The following PRH1 variants were observed in gnomAD, a reference collection of about 807,000 sequenced individuals.
PRH1 encodes proline rich protein HaeIII subfamily 1.
A neutral mutation model predicts 7.9 loss-of-function variants in PRH1; 7 were observed. The observed-to-expected ratio is 0.89, with a 90% CI of 0.50 to 1.67. The LOEUF is 1.67. Ranked by LOEUF, PRH1 falls within the 40% of genes most tolerant of loss-of-function variation. PRH1 has a pLI of 0.00. For synonymous variants in PRH1, 45 were observed against 80.8 expected (o/e 0.56, Z 2.38); for missense variants, 109 against 223.6 (o/e 0.49, Z 3.27).
chr12:10,905,091 A>C (rs2135816838), intron 2 of PRH1, among the ~76,000 whole-genome samples: 1 of 152,122 alleles, frequency 6.6e-6, no homozygotes, highest in Middle Eastern at 3.4e-3. Context: ...CATGCAAATT[A>C]CGTCAGCCAC....
At chr12:10,913,182 T>G (rs1389238365) in intron 2 of PRH1, among the ~76,000 whole-genome samples, 4 of 152,150 alleles carry the variant, frequency 2.6e-5, no homozygotes, top group African/African-American at 7.2e-5. Context: ...TAAAATCTAT[T>G]TAGCCTCACG....
rs1565726638 is a variant in PRH1, at chr12:11,168,394, A to AAGAAAGAAAGAAAG, written n.39+3014_39+3027dup. On this transcript the variant is annotated intron_variant and non_coding_transcript_variant, in intron 1 of 1. Coordinates refer to the PRH1 transcript ENST00000541175. ...AAAGAAAGAAAGAAAGAAAGAAAGA[A>AAGAAAGAAAGAAAG]AGAAAGAAAGAAAGAAAGAAAGAAA... 1.7e-4 allele frequency among the ~76,000 whole-genome samples: 17 copies of AAGAAAGAAAGAAAG among 99,106 alleles called. 3 individuals are homozygous for AAGAAAGAAAGAAAG. The highest frequency in any genetic ancestry group is 5.6e-4 in the African/African-American group (17 of 30,224). 65.0% of individuals were successfully genotyped at this position (99,106 alleles called of 152,430 possible).
At chr12:10,930,331 C>A (rs753586117) in intron 2 of PRH1, 1 of 1,603,568 alleles carries the variant, frequency 6.2e-7, no homozygotes, top group South Asian at 1.1e-5. Context: ...TCTCAGTAAA[C>A]TCTGTCTCCA....
intron 1 of PRH1, among the ~76,000 whole-genome samples, chr12:11,068,376 TGTGA>T (rs1200920294): frequency 6.6e-6 from 1 of 152,210 alleles, no homozygotes; most frequent in Non-Finnish European, 1.5e-5. Flanking sequence ...CTCTCACATT[TGTGA>T]GTATTATTAT....
chr12:11,027,619 C>A (rs1256790271), intron 1 of PRH1, among the ~76,000 whole-genome samples: 1 of 149,274 alleles, frequency 6.7e-6, no homozygotes, highest in African/African-American at 2.4e-5. Flanking sequence ...GTTTCCCAGG[C>A]TGCTGGTCTC....
chr12:11,096,855 C>T (rs1266152042), intron 1 of PRH1, among the ~76,000 whole-genome samples: 2 of 114,636 alleles, frequency 1.7e-5, no homozygotes, highest in Admixed American at 8.7e-5. Flanking sequence ...TGGAGTGCAG[C>T]GGCGCGATCT....
chr12:11,122,183 G>C (rs1945930816), intron 1 of PRH1, among the ~76,000 whole-genome samples: 1 of 152,212 alleles, frequency 6.6e-6, no homozygotes, highest in Non-Finnish European at 1.5e-5. Context: ...TTCCACATTG[G>C]AGTTTCTTGC....
chr12:11,030,933 C>T (rs747955989), intron 1 of PRH1: 1 of 1,614,248 alleles, frequency 6.2e-7, no homozygotes, highest in Non-Finnish European at 8.5e-7. Context: ...AGTAAAGGCC[C>T]CAACAGCATC....
At chr12:10,950,830 CA>C (rs202134446) in intron 2 of PRH1, among the ~76,000 whole-genome samples, 1 of 151,670 alleles carries the variant, frequency 6.6e-6, no homozygotes, top group Non-Finnish European at 1.5e-5. Context: ...TAGGAAAATA[CA>C]AATTCTATCA....
chr12:11,107,770 G>C (rs1945466010), intron 1 of PRH1, among the ~76,000 whole-genome samples: 1 of 152,136 alleles, frequency 6.6e-6, no homozygotes. Context: ...TTTCAAAAAA[G>C]GGACTACTGC....
intron 1 of PRH1, among the ~76,000 whole-genome samples, chr12:11,018,666 C>T (rs1484985956): frequency 6.6e-6 from 1 of 151,898 alleles, no homozygotes; most frequent in African/African-American, 2.4e-5. Flanking sequence ...GACACTTCAT[C>T]TTTGGAGCAG....
At chr12:10,895,000 GA>G (rs1272722198) in intron 2 of PRH1, 1 of 152,138 alleles carries the variant, frequency 6.6e-6, no homozygotes, top group African/African-American at 2.4e-5. Flanking sequence ...TCAGGACACA[GA>G]GAGAAGCTTG....
At chr12:11,166,181 C>T (rs1283041952) in intron 1 of PRH1, 1 of 152,240 alleles carries the variant, frequency 6.6e-6, no homozygotes, top group Non-Finnish European at 1.5e-5. Flanking sequence ...TCTTCCTGCC[C>T]CTCCTTGAGT....
chr12:10,950,082 ACT>A (rs1950546286), intron 2 of PRH1, among the ~76,000 whole-genome samples: 1 of 151,912 alleles, frequency 6.6e-6, no homozygotes, highest in Non-Finnish European at 1.5e-5. Flanking sequence ...TAAACATGTC[ACT>A]CTGGTTTGCT....
intron 2 of PRH1, among the ~76,000 whole-genome samples, chr12:10,898,134 C>T (rs1006895885): frequency 3.3e-5 from 5 of 152,066 alleles, no homozygotes; most frequent in South Asian, 4.2e-4. Flanking sequence ...TTTTTTCATA[C>T]GTTGAGCTGA....
intron 1 of PRH1, among the ~76,000 whole-genome samples, chr12:11,166,733 T>A (rs1402223482): frequency 6.6e-6 from 1 of 152,242 alleles, no homozygotes; most frequent in African/African-American, 2.4e-5. Context: ...CAAATTATCA[T>A]AAATTTAGTG....
intron 1 of PRH1, among the ~76,000 whole-genome samples, chr12:10,999,394 A>G (rs1940468691): frequency 6.6e-6 from 1 of 152,146 alleles, no homozygotes; most frequent in South Asian, 2.1e-4. Context: ...TAAAATAAGA[A>G]TTCACTTTAG....
intron 1 of PRH1, among the ~76,000 whole-genome samples, chr12:11,023,496 C>T (rs181342679): frequency 6.6e-6 from 1 of 152,170 alleles, no homozygotes; most frequent in African/African-American, 2.4e-5. Flanking sequence ...TCTAAGTACC[C>T]TACTCTTTGT....
chr12:11,136,810 C>CAGG (rs948241630), intron 1 of PRH1, among the ~76,000 whole-genome samples: 2 of 152,116 alleles, frequency 1.3e-5, no homozygotes, highest in African/African-American at 4.8e-5. Flanking sequence ...CAGGAGCACC[C>CAGG]AGGAGTTCAA....
Sources: allele counts gnomAD v4.1 joint callset (sites outside exome capture counted in the v4.1 genomes callset), GRCh38; gene constraint gnomAD v4.1.1; transcripts MANE v1.5; gene names NCBI Gene and HGNC (gene_info 2026-07-23, HGNC 2026-07-21).